ST7: variants seen among roughly 807,000 people sequenced by gnomAD.
The protein encoded by ST7 is suppressor of tumorigenicity 7 protein.
ST7 carries 28 observed loss-of-function variants against 78.7 expected under a neutral mutation model. The observed-to-expected ratio is 0.36, with a 90% confidence interval of 0.26 to 0.49. ST7 has a LOEUF of 0.49. Among genes scored for constraint, ST7 ranks in the 20% least tolerant of loss-of-function variants. The pLI is 0.99. For synonymous variants in ST7, 247 were observed against 249.6 expected (o/e 0.99, Z 0.10); for missense variants, 418 against 696.0 (o/e 0.60, Z 4.49).
chr7:116,977,719 T>C (rs1403849498), intron 1 of ST7, among the ~76,000 whole-genome samples: 1 of 152,074 alleles, frequency 6.6e-6, no homozygotes, highest in Non-Finnish European at 1.5e-5. Flanking sequence ...GCCCAGCTAA[T>C]TTTTTTGTAT....
chr7:117,156,219 T>C (rs926702938), intron 9 of ST7, among the ~76,000 whole-genome samples: 5 of 152,200 alleles, frequency 3.3e-5, no homozygotes, highest in Non-Finnish European at 5.9e-5. Context: ...TATTACTGTA[T>C]CCCAGTACAA....
At chr7:116,970,460 G>C (rs1041940558) in intron 1 of ST7, among the ~76,000 whole-genome samples, 16 of 152,354 alleles carry the variant, frequency 1.1e-4, no homozygotes, top group Non-Finnish European at 2.4e-4. Flanking sequence ...GGAAGATCCT[G>C]TGTCTGGAGG....
chr7:117,117,597 A>T (rs147334360), intron 2 of ST7, among the ~76,000 whole-genome samples: 191 of 152,288 alleles, frequency 1.3e-3, no homozygotes, highest in African/African-American at 4.5e-3. Context: ...CTTCATCATG[A>T]TGATTTACAG....
At chr7:117,129,754 A>C in intron 3 of ST7, 39 bp from the exon 4 acceptor site, 1 of 1,541,580 alleles carries the variant, frequency 6.5e-7, no homozygotes, top group Non-Finnish European at 9.0e-7. Flanking sequence ...AGTGTCACTG[A>C]ACTTACGCGT....
chr7:117,154,117 C>T (rs189834729), intron 9 of ST7, among the ~76,000 whole-genome samples: 3 of 152,226 alleles, frequency 2.0e-5, no homozygotes, highest in African/African-American at 7.2e-5. Context: ...AAGCTCCTCT[C>T]CCCACTGTGA....
intron 9 of ST7, among the ~76,000 whole-genome samples, chr7:117,159,118 G>C (rs3808215): frequency 0.12 from 18,385 of 152,176 alleles, 2,025 homozygotes; most frequent in African/African-American, 0.29. Context: ...AACTTGAAAG[G>C]TTTAAACTGT....
intron 2 of ST7, among the ~76,000 whole-genome samples, chr7:117,105,547 G>C (rs1286032392): frequency 6.6e-6 from 1 of 152,226 alleles, no homozygotes; most frequent in Non-Finnish European, 1.5e-5. Context: ...CTCCCAAAGT[G>C]CTGGGATTAC....
intron 10 of ST7, among the ~76,000 whole-genome samples, chr7:117,171,827 T>C (rs1808013799): frequency 6.6e-6 from 1 of 152,170 alleles, no homozygotes. Flanking sequence ...ACTTATTATA[T>C]AATCATTTTT....
chr7:117,209,964 T>G (rs199760615), intron 13 of ST7, 27 bp downstream of exon 13: 1 of 1,601,870 alleles, frequency 6.2e-7, no homozygotes, highest in Non-Finnish European at 8.5e-7. Context: ...TTTTGAAACA[T>G]TTTTAAGAGC....
chr7:117,052,440 G>A (rs1471630540), intron 1 of ST7, among the ~76,000 whole-genome samples: 1 of 152,088 alleles, frequency 6.6e-6, no homozygotes, highest in African/African-American at 2.4e-5. Context: ...GTAGTTACTT[G>A]TTTCAGGAAG....
intron 1 of ST7, among the ~76,000 whole-genome samples, chr7:116,978,271 G>A (rs1793794165): frequency 6.6e-6 from 1 of 152,220 alleles, no homozygotes; most frequent in Admixed American, 6.5e-5. Flanking sequence ...TGACTTGCAG[G>A]TGTGAAGTTT....
intron 15 of ST7, among the ~76,000 whole-genome samples, chr7:117,225,033 G>A (rs1207757193): frequency 6.6e-6 from 1 of 152,190 alleles, no homozygotes; most frequent in African/African-American, 2.4e-5. Flanking sequence ...CCCTGGTGAT[G>A]CGGATGTACA....
chr7:116,979,942 T>G (rs1793873093), intron 1 of ST7, among the ~76,000 whole-genome samples: 1 of 125,362 alleles, frequency 8.0e-6, no homozygotes, highest in East Asian at 2.2e-4. Flanking sequence ...TCCTTTTTTC[T>G]TTTTCTTTTG....
At chr7:117,028,187 T>C (rs1796303168) in intron 1 of ST7, among the ~76,000 whole-genome samples, 1 of 152,220 alleles carries the variant, frequency 6.6e-6, no homozygotes, top group Non-Finnish European at 1.5e-5. Context: ...AAGTTGACTA[T>C]GTCTAATCTA....
At chr7:117,054,597 TTGTC>T (rs778691571) in intron 1 of ST7, among the ~76,000 whole-genome samples, 21 of 152,348 alleles carry the variant, frequency 1.4e-4, no homozygotes, top group East Asian at 1.9e-4. Context: ...TTATCACACT[TTGTC>T]TGTGCTATAA....
chr7:116,965,656 C>T (rs1793073011), intron 1 of ST7, among the ~76,000 whole-genome samples: 1 of 152,028 alleles, frequency 6.6e-6, no homozygotes. Flanking sequence ...AATAATGTAA[C>T]AATTTCTGGT....
chr7:117,041,632 A>C (rs182539512), intron 1 of ST7, among the ~76,000 whole-genome samples: 1 of 152,104 alleles, frequency 6.6e-6, no homozygotes, highest in Non-Finnish European at 1.5e-5. Flanking sequence ...TTCTCTCTGC[A>C]TATATGTATT....
chr7:117,121,663 C>T (rs1293323748), intron 3 of ST7, among the ~76,000 whole-genome samples: 1 of 152,138 alleles, frequency 6.6e-6, no homozygotes, highest in African/African-American at 2.4e-5. Flanking sequence ...GTCAGGATCT[C>T]CTCCTTTGTT....
intron 9 of ST7, among the ~76,000 whole-genome samples, chr7:117,152,658 C>A (rs1206004767): frequency 6.6e-6 from 1 of 152,116 alleles, no homozygotes; most frequent in East Asian, 1.9e-4. Flanking sequence ...TTCAGTCTTC[C>A]ATCTACATTT....
Sources: allele counts gnomAD v4.1 joint callset (sites outside exome capture counted in the v4.1 genomes callset), GRCh38; gene constraint gnomAD v4.1.1; transcripts MANE v1.5; gene names NCBI Gene and HGNC (gene_info 2026-07-23, HGNC 2026-07-21).